The following GAB1 variants were observed in gnomAD, a reference collection of about 807,000 sequenced individuals.
GAB1 encodes the protein GRB2 associated binding protein 1.
A neutral mutation model predicts 66.5 loss-of-function variants in GAB1; 19 were observed. The ratio of observed to expected loss-of-function variants is 0.29; its 90% confidence interval spans 0.20 to 0.42. The LOEUF is 0.42. Ranked by LOEUF, GAB1 falls within the 10% of genes least tolerant of loss-of-function variation. The probability of loss-of-function intolerance (pLI) is 1.00; values close to 1 mark genes in which losing one functional copy is unlikely to be tolerated. For synonymous variants in GAB1, 294 were observed against 301.4 expected (o/e 0.98, Z 0.25); for missense variants, 732 against 858.5 (o/e 0.85, Z 1.84).
chr4:143,390,457 G>GT (rs1267768372), intron 1 of GAB1, among the ~76,000 whole-genome samples: 1 of 151,582 alleles, frequency 6.6e-6, no homozygotes, highest in East Asian at 1.9e-4. Context: ...TAGTGGTTAG[G>GT]TTTTTGACTT....
At chr4:143,363,270 G>A (rs1729736149) in intron 1 of GAB1, among the ~76,000 whole-genome samples, 1 of 152,170 alleles carries the variant, frequency 6.6e-6, no homozygotes, top group African/African-American at 2.4e-5. Context: ...TTTATCATGA[G>A]TTGTGAGATC....
chr4:143,450,122 T>C (rs1734832717), intron 6 of GAB1, among the ~76,000 whole-genome samples: 1 of 152,204 alleles, frequency 6.6e-6, no homozygotes, highest in Non-Finnish European at 1.5e-5. Flanking sequence ...AGTGCATTTT[T>C]ACAGCAGAGC....
chr4:143,338,731 A>G lies in GAB1; in HGVS notation c.72+1471A>G, dbSNP rs13122105. 8.7e-5 allele frequency among the ~76,000 whole-genome samples: 6 copies of G among 69,310 alleles called. No homozygotes were observed. The East Asian group carries it at 1.4e-3, about 16-fold the overall frequency. The allele number at this position is 69,310 out of a possible 152,430, so 45.5% of individuals were successfully genotyped here. On this transcript the variant is annotated intron_variant, in intron 1 of 9. Coordinates refer to ENST00000262994, the MANE Select transcript of GAB1 (RefSeq NM_002039.4). ...GGTAGGGGTGTGTGTGTGTGTGTGT[A>G]TGTGACAGAGAAGGAAGGGAGAAAG...
At chr4:143,402,702 C>A (rs1731841634) in intron 1 of GAB1, among the ~76,000 whole-genome samples, 1 of 152,144 alleles carries the variant, frequency 6.6e-6, no homozygotes, top group Admixed American at 6.5e-5. Flanking sequence ...CTGTTCTACC[C>A]TTCTTCGTTC....
chr4:143,427,756 T>A (rs2149738109), intron 2 of GAB1, among the ~76,000 whole-genome samples: 1 of 152,240 alleles, frequency 6.6e-6, no homozygotes, highest in South Asian at 2.1e-4. Flanking sequence ...AAAGAAGATT[T>A]TTTTTCAAAG....
At chr4:143,374,686 C>T (rs1730337435) in intron 1 of GAB1, among the ~76,000 whole-genome samples, 1 of 152,184 alleles carries the variant, frequency 6.6e-6, no homozygotes, top group Admixed American at 6.5e-5. Context: ...TGAAGTGCTG[C>T]CATACAGTCT....
intron 1 of GAB1, among the ~76,000 whole-genome samples, chr4:143,405,225 A>C (rs918207674): frequency 6.6e-6 from 1 of 151,892 alleles, no homozygotes; most frequent in Non-Finnish European, 1.5e-5. Flanking sequence ...AAATGTATGG[A>C]TATATAGAGA....
intron 8 of GAB1, among the ~76,000 whole-genome samples, chr4:143,465,787 A>G (rs1735750976): frequency 6.6e-6 from 1 of 152,212 alleles, no homozygotes; most frequent in Non-Finnish European, 1.5e-5. Context: ...GAATATAAAG[A>G]TCCTGTAAAG....
intron 2 of GAB1, among the ~76,000 whole-genome samples, chr4:143,428,352 G>A (rs1038543018): frequency 1.3e-5 from 2 of 152,154 alleles, no homozygotes; most frequent in Non-Finnish European, 2.9e-5. Flanking sequence ...CTGTGGAATT[G>A]AGTCCTCCTC....
At chr4:143,423,598 A>G (rs915744300) in intron 2 of GAB1, among the ~76,000 whole-genome samples, 1 of 151,060 alleles carries the variant, frequency 6.6e-6, no homozygotes, top group East Asian at 2.0e-4. Flanking sequence ...AACACAGTGA[A>G]ACCCCATCTC....
intron 1 of GAB1, among the ~76,000 whole-genome samples, chr4:143,370,855 A>G (rs1456274497): frequency 1.3e-5 from 2 of 152,182 alleles, no homozygotes; most frequent in Non-Finnish European, 2.9e-5. Flanking sequence ...AGCTTCATCC[A>G]TGTCACTACA....
chr4:143,387,868 C>T (rs1206196312), intron 1 of GAB1, among the ~76,000 whole-genome samples: 1 of 152,176 alleles, frequency 6.6e-6, no homozygotes, highest in African/African-American at 2.4e-5. Flanking sequence ...CAGTCTTACA[C>T]ACACCCTAGA....
intron 6 of GAB1, among the ~76,000 whole-genome samples, chr4:143,445,957 C>A (rs1171139559): frequency 6.6e-6 from 1 of 152,112 alleles, no homozygotes; most frequent in Admixed American, 6.5e-5. Context: ...CCCCACCCCA[C>A]AACAGTCCCC....
chr4:143,444,000 T>A lies in GAB1; in HGVS notation c.1585+3618T>A, dbSNP rs144631691. 1.1e-3 allele frequency among the ~76,000 whole-genome samples: 163 copies of A among 152,302 alleles called. 1 individual carries two copies. Among genetic ancestry groups the A allele is most frequent in the African/African-American group, 3.7e-3 (154 of 41,564 alleles). ...ACTGTAGTGTTTGTTTTGAGCCAAG[T>A]TTTGTGTGTATTAAGAGAAACGTAT... is the stretch of plus-strand genomic sequence containing the variant. On this transcript the variant is annotated intron_variant, in intron 6 of 9. Coordinates refer to ENST00000262994, the MANE Select transcript of GAB1 (RefSeq NM_002039.4).
At chr4:143,427,349 G>A (rs965375531) in intron 2 of GAB1, among the ~76,000 whole-genome samples, 1 of 152,160 alleles carries the variant, frequency 6.6e-6, no homozygotes, top group Non-Finnish European at 1.5e-5. Context: ...CCTGGCAAAA[G>A]GGGCCATCAT....
intron 8 of GAB1, among the ~76,000 whole-genome samples, chr4:143,462,722 G>A (rs976994116): frequency 5.3e-5 from 8 of 151,790 alleles, no homozygotes; most frequent in African/African-American, 7.3e-5. Context: ...ATGCAGTAGC[G>A]CGATCTCAAC....
At chr4:143,398,123 C>G (rs961457165) in intron 1 of GAB1, among the ~76,000 whole-genome samples, 1 of 152,218 alleles carries the variant, frequency 6.6e-6, no homozygotes, top group African/African-American at 2.4e-5. Flanking sequence ...AGACTACTCT[C>G]TTTCCTCCAT....
intron 2 of GAB1, among the ~76,000 whole-genome samples, chr4:143,417,243 A>C (rs1732740713): frequency 6.6e-6 from 1 of 152,166 alleles, no homozygotes; most frequent in Non-Finnish European, 1.5e-5. Flanking sequence ...ATTTTACTTG[A>C]CTGGGGCAGT....
intron 1 of GAB1, among the ~76,000 whole-genome samples, chr4:143,409,987 A>G (rs991646494): frequency 6.6e-6 from 1 of 151,884 alleles, no homozygotes; most frequent in African/African-American, 2.4e-5. Flanking sequence ...AAACCTGCCT[A>G]TTCCAATCTT....
Sources: allele counts gnomAD v4.1 joint callset (sites outside exome capture counted in the v4.1 genomes callset), GRCh38; gene constraint gnomAD v4.1.1; transcripts MANE v1.5; gene names NCBI Gene and HGNC (gene_info 2026-07-23, HGNC 2026-07-21).